Variants in BTBD9 observed in about 807,000 individuals in gnomAD.
The protein encoded by BTBD9 is BTB/POZ domain-containing protein 9.
Under a neutral mutation model 64.3 loss-of-function variants are expected in BTBD9, and 49 were observed. The ratio of observed to expected loss-of-function variants is 0.76; its 90% CI spans 0.61 to 0.97. The LOEUF is 0.97. Among genes scored for constraint, BTBD9 ranks in the 50% least tolerant of loss-of-function variants. BTBD9 has a pLI of 0.00. For synonymous variants in BTBD9, 260 were observed against 274.7 expected (o/e 0.95, Z 0.53); for missense variants, 598 against 762.1 (o/e 0.78, Z 2.53).
chr6:38,390,573 T>C (rs1298520090), intron 6 of BTBD9, among the ~76,000 whole-genome samples: 2 of 151,972 alleles, frequency 1.3e-5, no homozygotes, highest in Non-Finnish European at 1.5e-5. Context: ...CATTAATAGG[T>C]GAAATCAAGA....
intron 6 of BTBD9, among the ~76,000 whole-genome samples, chr6:38,393,579 A>G (rs1766533210): frequency 1.3e-5 from 2 of 152,246 alleles, no homozygotes; most frequent in African/African-American, 4.8e-5. Context: ...CTCAATAAAA[A>G]GCACTTAGCA....
At chr6:38,193,242 G>A (rs1762157712) in intron 9 of BTBD9, among the ~76,000 whole-genome samples, 1 of 152,162 alleles carries the variant, frequency 6.6e-6, no homozygotes, top group Admixed American at 6.5e-5. Context: ...AGGCTTCTGG[G>A]AGGAGGAGAG....
chr6:38,605,554 T>G (rs1777403673), intron 1 of BTBD9, among the ~76,000 whole-genome samples: 1 of 152,172 alleles, frequency 6.6e-6, no homozygotes, highest in Non-Finnish European at 1.5e-5. Flanking sequence ...TTTCCAAAAG[T>G]TATCTAGTTT....
chr6:38,585,609 T>C (rs1776481712), intron 4 of BTBD9, among the ~76,000 whole-genome samples: 1 of 152,108 alleles, frequency 6.6e-6, no homozygotes, highest in Non-Finnish European at 1.5e-5. Flanking sequence ...TGCACCCAGC[T>C]CAAAGAGCTT....
intron 1 of BTBD9, among the ~76,000 whole-genome samples, chr6:38,605,158 T>G (rs1015324463): frequency 1.1e-4 from 17 of 152,078 alleles, no homozygotes; most frequent in African/African-American, 4.1e-4. Context: ...GTGATTCTCC[T>G]GCCTCAGCCT....
chr6:38,343,540 C>A (rs1429622473), intron 7 of BTBD9, among the ~76,000 whole-genome samples: 1 of 152,136 alleles, frequency 6.6e-6, no homozygotes, highest in Non-Finnish European at 1.5e-5. Flanking sequence ...GTGAGGCCTA[C>A]AGTCTATGGA....
chr6:38,458,197 A>T (rs1451420209), intron 6 of BTBD9, among the ~76,000 whole-genome samples: 1 of 152,242 alleles, frequency 6.6e-6, no homozygotes, highest in African/African-American at 2.4e-5. Flanking sequence ...AAAAGAAATC[A>T]CTTTTCACCT....
chr6:38,425,959 A>ACACAC (rs1562168534), intron 6 of BTBD9, among the ~76,000 whole-genome samples: 2 of 89,242 alleles, frequency 2.2e-5, no homozygotes, highest in African/African-American at 3.7e-5. Context: ...CACACACACA[A>ACACAC]ACAAAAGCAA....
intron 6 of BTBD9, among the ~76,000 whole-genome samples, chr6:38,345,854 G>A (rs550964448): frequency 7.2e-5 from 11 of 152,160 alleles, no homozygotes; most frequent in Admixed American, 3.9e-4. Context: ...CTTCATCTCC[G>A]ACAAACAAGC....
chr6:38,536,472 C>A (rs773696792), intron 6 of BTBD9, among the ~76,000 whole-genome samples: 24 of 152,092 alleles, frequency 1.6e-4, no homozygotes, highest in Non-Finnish European at 3.2e-4. Flanking sequence ...AATCCCACTG[C>A]TAGGTATATA....
chr6:38,596,021 AG>A, intron 2 of BTBD9: 1 of 985,462 alleles, frequency 1.0e-6, no homozygotes, highest in Non-Finnish European at 1.2e-6. Flanking sequence ...ACAAGCACAG[AG>A]GTTCAATGTT....
At chr6:38,539,958 C>T (rs1774194825) in intron 6 of BTBD9, among the ~76,000 whole-genome samples, 1 of 152,104 alleles carries the variant, frequency 6.6e-6, no homozygotes, top group Non-Finnish European at 1.5e-5. Flanking sequence ...GTTGGATTAC[C>T]GATCTTAAAG....
chr6:38,423,037 G>T (rs1767977030), intron 6 of BTBD9, among the ~76,000 whole-genome samples: 1 of 152,048 alleles, frequency 6.6e-6, no homozygotes, highest in Non-Finnish European at 1.5e-5. Context: ...GGCTGAGGTG[G>T]GCAGATCACA....
At chr6:38,191,925 C>T (rs968707065) in intron 10 of BTBD9, among the ~76,000 whole-genome samples, 14 of 152,322 alleles carry the variant, frequency 9.2e-5, no homozygotes, top group South Asian at 6.2e-4. Context: ...GGGTCCCATG[C>T]GACTGTCCTG....
intron 6 of BTBD9, among the ~76,000 whole-genome samples, chr6:38,577,196 C>T (rs762563959): frequency 3.3e-5 from 5 of 152,158 alleles, no homozygotes; most frequent in Non-Finnish European, 7.4e-5. Context: ...CTGGCCATTC[C>T]CAGGGAAGAC....
At chr6:38,402,678 A>C (rs1251274014) in intron 6 of BTBD9, 1 of 597,296 alleles carries the variant, frequency 1.7e-6, no homozygotes, top group East Asian at 3.0e-5. Context: ...AATGGATCAA[A>C]GACCTAAACA....
intron 9 of BTBD9, among the ~76,000 whole-genome samples, chr6:38,217,706 T>C (rs1430961862): frequency 6.6e-6 from 1 of 151,680 alleles, no homozygotes; most frequent in East Asian, 1.9e-4. Flanking sequence ...TTTCTTTTTT[T>C]TTTTTTAACT....
At chr6:38,302,428 CT>C (rs1762438200) in intron 7 of BTBD9, among the ~76,000 whole-genome samples, 1 of 148,130 alleles carries the variant, frequency 6.8e-6, no homozygotes, top group Non-Finnish European at 1.5e-5. Context: ...TTCCATGTTG[CT>C]GCAAATGACA....
chr6:38,462,689 G>C (rs1296855325), intron 6 of BTBD9, among the ~76,000 whole-genome samples: 1 of 152,052 alleles, frequency 6.6e-6, no homozygotes, highest in Non-Finnish European at 1.5e-5. Flanking sequence ...GGATTTTATT[G>C]GAATTGCACT....
Sources: allele counts gnomAD v4.1 joint callset (sites outside exome capture counted in the v4.1 genomes callset), GRCh38; gene constraint gnomAD v4.1.1; transcripts MANE v1.5; gene names NCBI Gene and HGNC (gene_info 2026-07-23, HGNC 2026-07-21).